ATP10B: variants seen among roughly 807,000 people sequenced by gnomAD.
ATP10B encodes ATPase phospholipid transporting 10B (putative).
A neutral mutation model predicts 141.2 loss-of-function variants in ATP10B; 122 were observed. The ratio of observed to expected loss-of-function variants is 0.86; its 90% CI spans 0.75 to 1.00. ATP10B has a LOEUF of 1.00. ATP10B is among the 50% of genes least tolerant of loss of function. The probability of loss-of-function intolerance (pLI) is 0.00; values close to 1 mark genes in which losing one functional copy is unlikely to be tolerated. For missense variants in ATP10B, 1,876 were observed against 1,825.3 expected (o/e 1.03, Z -0.51); for synonymous variants, 685 against 692.0 (o/e 0.99, Z 0.16).
intron 22 of ATP10B, among the ~76,000 whole-genome samples, chr5:160,595,924 C>T (rs184442202): frequency 0.016 from 2,363 of 151,918 alleles, 28 homozygotes; most frequent in Middle Eastern, 0.075. Context: ...AAAAAGAGTC[C>T]AGGACCAGAT....
chr5:160,607,158 C>G (rs78693640), intron 18 of ATP10B, 72 bp from the exon 19 acceptor site: 18 of 1,319,770 alleles, frequency 1.4e-5, no homozygotes, highest in Non-Finnish European at 5.3e-6. Context: ...TCAGTTTATT[C>G]TTTAGTAAGA....
chr5:160,645,153 C>G lies in ATP10B; in HGVS notation c.762-909G>C, dbSNP rs369875464. Among the ~76,000 whole-genome samples, 3 of 149,856 alleles carry G rather than the reference C, an allele frequency of 2.0e-5. No individual in the cohort carries two copies. In the East Asian group the frequency reaches 5.9e-4, roughly 30 times the overall value. ...AAAAAAAGGGCAAGGGGCTGTTCTG[C>G]TATGGAGTTACCCTTCTTTTATCCC... On this transcript the variant is annotated intron_variant, in intron 8 of 25. Transcript: ENST00000327245.
In ATP10B at chr5:160,565,632, A is replaced by G. The variant is rs1754487307; in HGVS notation, c.4207T>C (p.Cys1403Arg). 8.1e-6 allele frequency: 13 copies of G among 1,613,958 alleles called. No individual in the cohort carries two copies. Among genetic ancestry groups the G allele is most frequent in the Non-Finnish European group, 1.1e-5 (13 of 1,179,986 alleles). Residue 1403 changes from cysteine to arginine, a missense_variant, in exon 26 of 26, where the codon TGT becomes CGT. Physicochemically the swap from Cys to Arg is radical, Grantham distance 180 (BLOSUM62 -3). Coordinates refer to ENST00000327245, the MANE Select transcript of ATP10B (RefSeq NM_025153.3). ...VEESVLHEQR[C>R]GTECMRDDSC... Reference sequence around the variant, plus strand: ...TCATCCCTCATGCACTCCGTGCCACATCTCTGTTCGTGGAGTACTGACTCT... The same window carrying G: ...TCATCCCTCATGCACTCCGTGCCACGTCTCTGTTCGTGGAGTACTGACTCT...
Position 160,591,050 on chromosome 5 carries a change from A to C in ATP10B, c.3645+9T>G. 6.2e-7 allele frequency: 1 copy of C among 1,610,850 alleles called. No individual in the cohort carries two copies. The highest frequency in any genetic ancestry group is 8.5e-7 in the Non-Finnish European group (1 of 1,177,548). On this transcript the variant is annotated intron_variant, in intron 23 of 25. Transcript: ENST00000327245. ...ATTTATGTGGTTAGAATGGGACTAC[A>C]TGACTTACCAGGTAAGGGATAAAGA...
At chr5:160,815,320 A>G (rs1773524709) in intron 1 of ATP10B, among the ~76,000 whole-genome samples, 1 of 152,228 alleles carries the variant, frequency 6.6e-6, no homozygotes, top group Non-Finnish European at 1.5e-5. Context: ...AAGCACAAAA[A>G]AAAGCAGCAG....
chr5:160,636,683 T>C (rs141165664), intron 10 of ATP10B, among the ~76,000 whole-genome samples: 2,436 of 152,192 alleles, frequency 0.016, 59 homozygotes, highest in African/African-American at 0.052. Context: ...CCTTGAGACC[T>C]GTCCCCTAGT....
chr5:160,797,622 T>A (rs1772041286), intron 1 of ATP10B, among the ~76,000 whole-genome samples: 1 of 152,228 alleles, frequency 6.6e-6, no homozygotes, highest in African/African-American at 2.4e-5. Context: ...ACTAAACAAC[T>A]ATTCATTTAG....
chr5:160,901,193 A>G, the ATP10B span, among the ~76,000 whole-genome samples: 1 of 152,086 alleles, frequency 6.6e-6, no homozygotes, highest in African/African-American at 2.4e-5. Context: ...ATTCTACCTA[A>G]GATTTCTGCA....
chr5:160,857,602 A>T, the ATP10B span, among the ~76,000 whole-genome samples: 1 of 151,732 alleles, frequency 6.6e-6, no homozygotes, highest in African/African-American at 2.4e-5. Context: ...ATGGAAGCTT[A>T]GATTATTAGA....
chr5:160,783,380 CATAT>C, intron 2 of ATP10B, among the ~76,000 whole-genome samples: 1 of 136,926 alleles, frequency 7.3e-6, no homozygotes, highest in South Asian at 2.4e-4. Flanking sequence ...AGTATTTCAT[CATAT>C]ATATATATAT....
At chr5:160,588,283 A>G (rs1756049187) in intron 24 of ATP10B, among the ~76,000 whole-genome samples, 1 of 152,122 alleles carries the variant, frequency 6.6e-6, no homozygotes, top group Non-Finnish European at 1.5e-5. Flanking sequence ...ACTATGTTGA[A>G]TAGGAGAGGG....
chr5:160,902,362 A>C, the ATP10B span, among the ~76,000 whole-genome samples: 1 of 152,200 alleles, frequency 6.6e-6, no homozygotes. Flanking sequence ...TAGGTGTTGC[A>C]ATTAATTTGC....
chr5:160,663,046 C>T (rs1289959868), intron 7 of ATP10B, among the ~76,000 whole-genome samples: 1 of 152,214 alleles, frequency 6.6e-6, no homozygotes, highest in Non-Finnish European at 1.5e-5. Flanking sequence ...AAATGCTCAT[C>T]ATCAGTGGCC....
At chr5:160,915,030 T>C in the ATP10B span, among the ~76,000 whole-genome samples, 5 of 152,190 alleles carry the variant, frequency 3.3e-5, no homozygotes, top group Admixed American at 2.0e-4. Context: ...ATAAAGACCA[T>C]AGTGCCTGCA....
At chr5:160,827,950 T>C (rs772789522) in intron 1 of ATP10B, among the ~76,000 whole-genome samples, 1 of 152,134 alleles carries the variant, frequency 6.6e-6, no homozygotes, top group Non-Finnish European at 1.5e-5. Flanking sequence ...TTGATCTATA[T>C]CTCTGTTTTG....
chr5:160,687,700 G>T (rs1473308456), intron 5 of ATP10B, 100 bp downstream of exon 5: 4 of 1,337,902 alleles, frequency 3.0e-6, no homozygotes, highest in Non-Finnish European at 4.1e-6. Context: ...AGGAGGTGAA[G>T]GTTGCAGTGA....
At chr5:160,780,343 T>C (rs1581517831) in intron 2 of ATP10B, among the ~76,000 whole-genome samples, 1 of 145,278 alleles carries the variant, frequency 6.9e-6, no homozygotes. Context: ...TGTTTTTTGG[T>C]GATTTCATAG....
chr5:160,656,638 A>C (rs1190815762), intron 7 of ATP10B, among the ~76,000 whole-genome samples: 1 of 152,156 alleles, frequency 6.6e-6, no homozygotes, highest in African/African-American at 2.4e-5. Context: ...TTTTGGTTTT[A>C]ATATATATTC....
intron 20 of ATP10B, 138 bp from the exon 21 acceptor site, chr5:160,602,840 T>A: frequency 1.7e-6 from 2 of 1,191,276 alleles, no homozygotes; most frequent in Non-Finnish European, 2.3e-6. Flanking sequence ...CACTCTTGGG[T>A]AGCTTTTTGG....
Sources: gnomAD v4.1 joint callset for allele counts (sites outside exome capture counted in the v4.1 genomes callset) on GRCh38, gnomAD v4.1.1 for gene constraint, MANE v1.5 for transcripts, NCBI Gene and HGNC (gene_info 2026-07-23, HGNC 2026-07-21) for gene names.